Variants in PCDHGA6 observed in about 807,000 individuals in gnomAD.
PCDHGA6 encodes the protein protocadherin gamma-A6.
In PCDHGA6, 41 loss-of-function variants were observed where a neutral mutation model predicts 60.6. The ratio of observed to expected loss-of-function variants is 0.68; its 90% CI spans 0.53 to 0.88. PCDHGA6 has a LOEUF of 0.88. PCDHGA6 is among the 40% of genes least tolerant of loss of function. The probability of loss-of-function intolerance (pLI) is 0.00; values close to 1 mark genes in which losing one functional copy is unlikely to be tolerated. For missense variants in PCDHGA6, 1,312 were observed against 1,203.0 expected (o/e 1.09, Z -1.34); for synonymous variants, 594 against 524.4 (o/e 1.13, Z -1.81).
Position 141,375,107 on chromosome 5 carries a change from G to A in PCDHGA6, c.1024G>A (p.Asp342Asn). The A allele has an allele frequency of 6.2e-7, 1 of 1,613,962 alleles. No individual in the cohort carries two copies. Among genetic ancestry groups the A allele is most frequent in the South Asian group, 1.1e-5 (1 of 91,086 alleles). ...CTTAATAACTATCTTGGATGTCAAT[G>A]ATAATGTACCAGAAGTGGTTGTTAC... is the stretch of plus-strand genomic sequence containing the variant. ...KVLITILDVN[D>N]NVPEVVVTSG... Residue 342 changes from aspartate (D) to asparagine (N), a missense_variant, in exon 1 of 4, where the codon GAT (aspartate) becomes AAT (asparagine). Transcript: ENST00000517434.
intron 1 of PCDHGA6, among the ~76,000 whole-genome samples, chr5:141,438,581 TACATAC>T (rs2097977343): frequency 4.0e-5 from 2 of 49,846 alleles, no homozygotes; most frequent in Non-Finnish European, 6.5e-5. Flanking sequence ...TATACATACA[TACATAC>T]ATACATATAT....
At position 141,374,922 on chromosome 5, in the gene PCDHGA6, C is replaced by T; in HGVS notation, c.839C>T (p.Ser280Phe). Residue 280 changes from serine (S) to phenylalanine (F), a missense_variant, in exon 1 of 4, where the codon TCC becomes TTC. Coordinates refer to ENST00000517434, the MANE Select transcript of PCDHGA6 (RefSeq NM_018919.3). ...GGAGTCCACGGGGAAGTAACTTATT[C>T]CTTTGTGAAGATTACAGAAAAGATC... ...DEGVHGEVTY[S>F]FVKITEKISQ... is the part of the protein sequence containing the mutation. The T allele has an allele frequency of 1.2e-6, 2 of 1,613,928 alleles. No homozygotes were observed. Among genetic ancestry groups the T allele is most frequent in the Non-Finnish European group, 1.7e-6 (2 of 1,179,904 alleles).
At chr5:141,403,577 C>T (rs1188693688) in intron 1 of PCDHGA6, 2 of 1,613,812 alleles carry the variant, frequency 1.2e-6, no homozygotes, top group South Asian at 1.1e-5. Context: ...AACTGCCCAC[C>T]ACCTGGTCCT....
intron 1 of PCDHGA6, chr5:141,392,883 TGGGAAATC>T (rs1224904365): frequency 3.1e-6 from 5 of 1,613,518 alleles, no homozygotes; most frequent in Non-Finnish European, 4.2e-6. Flanking sequence ...GGGAACGCTG[TGGGAAATC>T]GGGAGGGGAC....
chr5:141,428,056 C>T (rs2097104330), intron 1 of PCDHGA6: 3 of 1,609,000 alleles, frequency 1.9e-6, no homozygotes, highest in African/African-American at 1.3e-5. Flanking sequence ...AAGGTGGTGG[C>T]GGTGGACGCA....
In PCDHGA6 at chr5:141,491,665, C is replaced by A; in HGVS notation, c.2425-3142C>A. 1 of 1,613,764 alleles carries A rather than the reference C, an allele frequency of 6.2e-7. No individual in the cohort carries two copies. Among genetic ancestry groups the A allele is most frequent in the Admixed American group, 1.7e-5 (1 of 60,034 alleles). On this transcript the variant is annotated intron_variant, in intron 1 of 3. Coordinates refer to ENST00000517434, the MANE Select transcript of PCDHGA6 (RefSeq NM_018919.3). The surrounding 1 kb of genome is among the most constrained non-coding windows in gnomAD (Gnocchi z 6.9). ...TCTGGCGCTGGAGCCTGACGCCATCCGGTCCCGCTCTAATACGCTGCGGGA... is the reference window on the plus strand; with the variant it reads ...TCTGGCGCTGGAGCCTGACGCCATCAGGTCCCGCTCTAATACGCTGCGGGA...
chr5:141,413,013 C>A, intron 1 of PCDHGA6: 2 of 661,008 alleles, frequency 3.0e-6, no homozygotes, highest in Admixed American at 6.8e-5. Context: ...GCTTCAACTA[C>A]ACAAGCCCCA....
Position 141,374,065 on chromosome 5 carries a change from AG to A in PCDHGA6, c.-18del. Reference sequence around the variant, plus strand: ...TTCTTCCTCTTCTTAATCCCAGAGAAGTTCCTAATAAGCCAGTAATGGCGCC... The same window carrying A: ...TTCTTCCTCTTCTTAATCCCAGAGAATTCCTAATAAGCCAGTAATGGCGCC... On this transcript the variant is annotated 5_prime_UTR_variant, in exon 1 of 4. Transcript: ENST00000517434. 6.7e-7 allele frequency: 1 copy of A among 1,497,724 alleles called. No individual in the cohort carries two copies. Among genetic ancestry groups the A allele is most frequent in the Non-Finnish European group, 8.9e-7 (1 of 1,125,056 alleles). The allele number at this position is 1,497,724 out of a possible 1,614,324, so 92.8% of individuals were successfully genotyped here. A position where few individuals can be genotyped will look rare whatever the true frequency, so the allele number is the denominator to read the frequency against.
intron 1 of PCDHGA6, chr5:141,384,141 ACT>A (rs765902130): frequency 2.4e-5 from 38 of 1,612,656 alleles, no homozygotes; most frequent in Admixed American, 1.8e-4. Context: ...ACCGGGAAAC[ACT>A]CTCTTTGTAT....
chr5:141,383,826 T>G, intron 1 of PCDHGA6: 1 of 1,613,966 alleles, frequency 6.2e-7, no homozygotes, highest in Non-Finnish European at 8.5e-7. Flanking sequence ...GATTAGATTA[T>G]GAAGAAACTG....
At chr5:141,442,664 G>A (rs1289986124) in intron 1 of PCDHGA6, among the ~76,000 whole-genome samples, 2 of 152,342 alleles carry the variant, frequency 1.3e-5, no homozygotes, top group East Asian at 1.9e-4. Flanking sequence ...TATTTGGCAT[G>A]GTGAGCTTGA....
chr5:141,489,260 CACA>C lies in PCDHGA6; in HGVS notation c.2425-5546_2425-5544del, dbSNP rs1242559724. 1 of 1,552,022 alleles carries C rather than the reference CACA, an allele frequency of 6.4e-7. No individual in the cohort carries two copies. Among genetic ancestry groups the C allele is most frequent in the Non-Finnish European group, 8.7e-7 (1 of 1,149,038 alleles). ...TGGGTCATGGGGCCCAAGACACTCCCACAGCTCGCTGGGAAATGGCAAGTGCTG... is the reference window on the plus strand; with the variant it reads ...TGGGTCATGGGGCCCAAGACACTCCCGCTCGCTGGGAAATGGCAAGTGCTG... On this transcript the variant is annotated intron_variant, in intron 1 of 3. Coordinates refer to ENST00000517434, the MANE Select transcript of PCDHGA6 (RefSeq NM_018919.3). The surrounding 1 kb of genome is among the most constrained non-coding windows in gnomAD (Gnocchi z 4.5).
At chr5:141,393,590 G>C (rs778378242) in intron 1 of PCDHGA6, 2 of 1,613,896 alleles carry the variant, frequency 1.2e-6, no homozygotes, top group South Asian at 1.1e-5. Context: ...CCCCAGGCAC[G>C]CGGCTGCTTA....
At chr5:141,444,578 C>G (rs1030770037) in intron 1 of PCDHGA6, among the ~76,000 whole-genome samples, 1 of 152,134 alleles carries the variant, frequency 6.6e-6, no homozygotes, top group Non-Finnish European at 1.5e-5. Context: ...TTGACTCTTC[C>G]TTTCTACTTA....
chr5:141,374,136 C>A lies in PCDHGA6; in HGVS notation c.53C>A (p.Thr18Lys), dbSNP rs769413254. The change falls in exon 1 of 4, where the codon ACG (threonine) becomes AAG (lysine). Residue 18 changes from threonine to lysine, a missense_variant. By Grantham distance (78) the Thr-to-Lys change is moderately conservative. Transcript: ENST00000517434. The stretch of plus-strand genomic sequence containing the variant: ...CGCAGCGAGCAGGTCCTGCTCCTCA[C>A]GCTCCTGGGGACGCTGTGGGGGGCC... ...PQRSEQVLLL[T>K]LLGTLWGAAA... 1.9e-6 allele frequency: 3 copies of A among 1,605,624 alleles called. No homozygotes were observed. The highest frequency in any genetic ancestry group is 1.7e-4 in the Middle Eastern group (1 of 6,012).
chr5:141,410,844 TTTGTC>T, intron 1 of PCDHGA6: 1 of 422,400 alleles, frequency 2.4e-6, no homozygotes, highest in Non-Finnish European at 3.9e-6. Context: ...ATATTTTGTC[TTTGTC>T]TTTTTTTTTT....
At chr5:141,413,702 T>G (rs1448671585) in intron 1 of PCDHGA6, 4 of 1,613,606 alleles carry the variant, frequency 2.5e-6, no homozygotes, top group Non-Finnish European at 3.4e-6. Flanking sequence ...AGCTATCAGC[T>G]CAGCCCCAAT....
At chr5:141,419,239 C>A in intron 1 of PCDHGA6, 3 of 1,614,008 alleles carry the variant, frequency 1.9e-6, no homozygotes, top group Non-Finnish European at 2.5e-6. Flanking sequence ...ACCTGGTCCA[C>A]GTGCCAGAAA....
chr5:141,421,188 C>T lies in PCDHGA6; in HGVS notation c.2424+44681C>T, dbSNP rs1364019876. 2.0e-6 allele frequency: 3 copies of T among 1,471,410 alleles called. No individual in the cohort carries two copies. The South Asian group carries it at 4.0e-5, about 20-fold the overall frequency. The allele number at this position is 1,471,410 out of a possible 1,614,324, so 91.1% of individuals were successfully genotyped here. A position where few individuals can be genotyped will look rare whatever the true frequency, so the allele number is the denominator to read the frequency against. The stretch of plus-strand genomic sequence containing the variant: ...GATACATAAGCCGATTCACAACCAA[C>T]CAGCTCGAGAAACCGCGGAATATCG... On this transcript the variant is annotated intron_variant, in intron 1 of 3. Coordinates refer to ENST00000517434, the MANE Select transcript of PCDHGA6 (RefSeq NM_018919.3).
Sources: gnomAD v4.1 joint callset for allele counts (sites outside exome capture counted in the v4.1 genomes callset) on GRCh38, gnomAD v4.1.1 for gene constraint, Gnocchi (gnomAD v3.1) non-coding constraint, MANE v1.5 for transcripts, NCBI Gene and HGNC (gene_info 2026-07-23, HGNC 2026-07-21) for gene names.